KAT2B: variants seen among roughly 807,000 people sequenced by gnomAD.
The protein encoded by KAT2B is lysine acetyltransferase 2B.
A neutral mutation model predicts 105.9 loss-of-function variants in KAT2B; 36 were observed. That is an observed-to-expected ratio of 0.34 (90% CI 0.26 to 0.45). KAT2B has a LOEUF of 0.45. Ranked by LOEUF, KAT2B falls within the 20% of genes least tolerant of loss-of-function variation. The probability of loss-of-function intolerance (pLI) is 1.00; values close to 1 mark genes in which losing one functional copy is unlikely to be tolerated. For synonymous variants in KAT2B, 397 were observed against 377.9 expected, an observed-to-expected ratio of 1.05 and a Z score of -0.59; for missense variants, 820 against 1,021.6, an observed-to-expected ratio of 0.80 and a Z score of 2.69.
chr3:20,129,200 A>C (rs1412290880), intron 11 of KAT2B, among the ~76,000 whole-genome samples: 1 of 151,940 alleles, frequency 6.6e-6, no homozygotes. Context: ...TGTGCTTTTA[A>C]ATTTTCTAGT....
At chr3:20,135,178 G>T (rs1699579176) in intron 11 of KAT2B, among the ~76,000 whole-genome samples, 4 of 152,150 alleles carry the variant, frequency 2.6e-5, no homozygotes, top group Non-Finnish European at 5.9e-5. Flanking sequence ...TCAGTATTGT[G>T]ATATGTTTGG....
At chr3:20,127,228 C>T (rs915989091) in intron 10 of KAT2B, among the ~76,000 whole-genome samples, 195 bp from the exon 11 acceptor site, 1 of 152,126 alleles carries the variant, frequency 6.6e-6, no homozygotes, top group African/African-American at 2.4e-5. Context: ...GTGCTGATGA[C>T]ATCTTGTGCA....
intron 9 of KAT2B, among the ~76,000 whole-genome samples, chr3:20,124,767 T>C (rs1699369802): frequency 6.6e-6 from 1 of 152,176 alleles, no homozygotes; most frequent in Admixed American, 6.5e-5. Flanking sequence ...GGTTGTTCCA[T>C]ATGTTGGTAG....
intron 1 of KAT2B, among the ~76,000 whole-genome samples, chr3:20,060,669 A>T (rs1698085606): frequency 6.6e-6 from 1 of 152,156 alleles, no homozygotes; most frequent in Admixed American, 6.6e-5. Context: ...CATGGCCTGT[A>T]ATCTTAGTAC....
Position 20,072,398 on chromosome 3 carries a change from C to T in KAT2B, c.369C>T (p.Ala123=), listed in dbSNP as rs201922668. 3.8e-5 allele frequency: 61 copies of T among 1,613,214 alleles called. No homozygotes were observed. Among genetic ancestry groups the T allele is most frequent in the South Asian group, 3.6e-4 (33 of 91,062 alleles). ...ACCCCTCACCCACTCCCCCCAGAGC[C>T]GACCTGCAGCAAATAATTGTCAGTC... ...NPNPSPTPPR[A]DLQQIIVSLT... is the part of the protein sequence containing the mutation. Residue 123 remains alanine (A), a synonymous_variant, in exon 2 of 18, where the codon GCC becomes GCT. Transcript: ENST00000263754.
At chr3:20,123,639 TTTG>T (rs1699350354) in intron 9 of KAT2B, among the ~76,000 whole-genome samples, 1 of 152,182 alleles carries the variant, frequency 6.6e-6, no homozygotes, top group Non-Finnish European at 1.5e-5. Flanking sequence ...AGTTATAACC[TTTG>T]TTGTTGTTGA....
intron 7 of KAT2B, among the ~76,000 whole-genome samples, chr3:20,115,481 A>G (rs759546287): frequency 1.3e-5 from 2 of 152,204 alleles, no homozygotes; most frequent in Admixed American, 6.5e-5. Flanking sequence ...ATATCTGGCC[A>G]TGGGGAAAGA....
Position 20,127,435 on chromosome 3 carries a change from C to T in KAT2B, c.1635C>T (p.Thr545=). 6.2e-7 allele frequency: 1 copy of T among 1,612,824 alleles called. No individual in the cohort carries two copies. The highest frequency in any genetic ancestry group is 8.5e-7 in the Non-Finnish European group (1 of 1,178,876). ...CTTATTCTTTCAGGAAACACAAAAC[C>T]CTTGCTTTAATTAAAGATGGCCGTG... ...TRLVFDPKHK[T]LALIKDGRVI... is the part of the protein sequence containing the mutation. The change falls in exon 11 of 18, where the codon ACC becomes ACT. Residue 545 remains threonine (T), a synonymous_variant. Transcript: ENST00000263754.
intron 17 of KAT2B, among the ~76,000 whole-genome samples, chr3:20,149,516 A>AAAAAAAAAAAAAAAC (rs1699835927): frequency 6.7e-6 from 1 of 149,562 alleles, no homozygotes; most frequent in East Asian, 2.0e-4. Flanking sequence ...AAAAAAAAAA[A>AAAAAAAAAAAAAAAC]AAAATTGTGG....
At chr3:20,076,739 T>G (rs1307164183) in intron 2 of KAT2B, among the ~76,000 whole-genome samples, 1 of 152,192 alleles carries the variant, frequency 6.6e-6, no homozygotes, top group African/African-American at 2.4e-5. Context: ...AGATATCTTC[T>G]TAATTGTTAC....
At chr3:20,088,503 T>C (rs1319738997) in intron 2 of KAT2B, among the ~76,000 whole-genome samples, 1 of 152,250 alleles carries the variant, frequency 6.6e-6, no homozygotes, top group African/African-American at 2.4e-5. Flanking sequence ...TGATTAGTGA[T>C]GTTGAACATT....
intron 5 of KAT2B, among the ~76,000 whole-genome samples, chr3:20,105,242 A>G (rs1181531290): frequency 6.6e-6 from 1 of 152,204 alleles, no homozygotes; most frequent in Non-Finnish European, 1.5e-5. Context: ...CCCAGGAGCA[A>G]TTGTGGTTAT....
intron 17 of KAT2B, among the ~76,000 whole-genome samples, chr3:20,150,127 A>G (rs1000986255): frequency 1.3e-5 from 2 of 152,172 alleles, no homozygotes; most frequent in African/African-American, 4.8e-5. Context: ...GAGTCTCACA[A>G]GGGGGGAAAC....
chr3:20,106,981 A>ATATATATATATATATATATATG (rs1699020627), intron 5 of KAT2B, among the ~76,000 whole-genome samples: 4 of 6,240 alleles, frequency 6.4e-4, no homozygotes, highest in Non-Finnish European at 8.2e-4. Context: ...ATATATATGT[A>ATATATATATATATATATATATG]TATATATATA....
intron 1 of KAT2B, among the ~76,000 whole-genome samples, chr3:20,055,481 A>G (rs2948083): frequency 0.073 from 11,125 of 152,202 alleles, 453 homozygotes; most frequent in East Asian, 0.19. Flanking sequence ...CTCTAGATAC[A>G]TGCCCAGGAA....
At chr3:20,092,461 C>T (rs1698737436) in intron 2 of KAT2B, among the ~76,000 whole-genome samples, 1 of 151,792 alleles carries the variant, frequency 6.6e-6, no homozygotes, top group African/African-American at 2.4e-5. Flanking sequence ...AACTCCTGAC[C>T]TCACATGATC....
chr3:20,116,106 G>A (rs185521681), intron 7 of KAT2B, among the ~76,000 whole-genome samples: 81 of 151,182 alleles, frequency 5.4e-4, no homozygotes, highest in African/African-American at 1.7e-3. Context: ...ACCTGAGATC[G>A]TAATTTCATG....
At chr3:20,135,160 C>G (rs1397652344) in intron 11 of KAT2B, among the ~76,000 whole-genome samples, 1 of 152,142 alleles carries the variant, frequency 6.6e-6, no homozygotes, top group Non-Finnish European at 1.5e-5. Context: ...TATTCAAACT[C>G]TCAGTGTTCA....
intron 1 of KAT2B, among the ~76,000 whole-genome samples, chr3:20,064,158 A>G (rs573180751): frequency 1.3e-5 from 2 of 152,302 alleles, no homozygotes; most frequent in East Asian, 3.9e-4. Context: ...AATTTTTCAC[A>G]TGCCTGATAA....
Sources: gnomAD v4.1 joint callset for allele counts (sites outside exome capture counted in the v4.1 genomes callset) on GRCh38, gnomAD v4.1.1 for gene constraint, MANE v1.5 for transcripts, NCBI Gene and HGNC (gene_info 2026-07-23, HGNC 2026-07-21) for gene names.